Variants in ANKRD50 observed in about 807,000 individuals in gnomAD.
ANKRD50 encodes ankyrin repeat domain 50, also known as ankyrin repeat domain-containing protein 50.
A neutral mutation model predicts 112.0 loss-of-function variants in ANKRD50; 40 were observed. That is an observed-to-expected ratio of 0.36 (90% CI 0.28 to 0.46). The LOEUF is 0.46. Among genes scored for constraint, ANKRD50 ranks in the 20% least tolerant of loss-of-function variants. The pLI is 1.00. For missense variants in ANKRD50, 1,487 were observed against 1,701.7 expected (o/e 0.87, Z 2.22); for synonymous variants, 613 against 619.1 (o/e 0.99, Z 0.15).
At chr4:124,680,971 T>A (rs1352121066) in intron 2 of ANKRD50, among the ~76,000 whole-genome samples, 1 of 152,134 alleles carries the variant, frequency 6.6e-6, no homozygotes, top group Non-Finnish European at 1.5e-5. Context: ...TGGGTATTAT[T>A]ATAAATTGTG....
At position 124,710,357 on chromosome 4, in the gene ANKRD50, G is replaced by C; in HGVS notation, c.155C>G (p.Ser52Ter). The change falls in exon 2 of 5, where the codon TCA becomes TGA. Residue 52 changes from serine (S) to a stop codon, truncating the protein, a stop_gained. Transcript: ENST00000504087. LOFTEE classifies it high-confidence loss of function. ...ATTATTCCCAGAATTCATTACAAGT[G>C]ATGGTGCATTGACAGCACTATTGCA... ...NCCNSAVNAPSLVMNSGNNAS... is the reference protein window; with the variant it reads ...NCCNSAVNAP 1.2e-6 allele frequency: 2 copies of C among 1,614,192 alleles called. No homozygotes were observed. Among genetic ancestry groups the C allele is most frequent in the Non-Finnish European group, 1.7e-6 (2 of 1,180,044 alleles).
chr4:124,706,992 A>G (rs1725520904), intron 2 of ANKRD50, among the ~76,000 whole-genome samples: 1 of 152,048 alleles, frequency 6.6e-6, no homozygotes, highest in Non-Finnish European at 1.5e-5. Context: ...TCACCATCCT[A>G]AAGTCAAAGA....
intron 1 of ANKRD50, among the ~76,000 whole-genome samples, chr4:124,711,804 G>A (rs1431593908): frequency 1.3e-5 from 2 of 151,936 alleles, no homozygotes; most frequent in East Asian, 1.9e-4. Context: ...GTTCTTATAA[G>A]AATGATAAAG....
chr4:124,681,691 T>C (rs1311993242), intron 2 of ANKRD50, among the ~76,000 whole-genome samples: 1 of 152,216 alleles, frequency 6.6e-6, no homozygotes, highest in Non-Finnish European at 1.5e-5. Context: ...CTCCTTTCTT[T>C]TGCCTATTCC....
intron 3 of ANKRD50, among the ~76,000 whole-genome samples, chr4:124,676,847 A>G (rs1239239348): frequency 6.6e-6 from 1 of 151,686 alleles, no homozygotes; most frequent in African/African-American, 2.4e-5. Context: ...TGACTTCCCA[A>G]TAAAAACATA....
At chr4:124,704,534 C>A (rs1381547541) in intron 2 of ANKRD50, among the ~76,000 whole-genome samples, 2 of 152,200 alleles carry the variant, frequency 1.3e-5, no homozygotes, top group African/African-American at 4.8e-5. Context: ...CCAGTCTGGT[C>A]TGCATTTAAA....
In ANKRD50 at chr4:124,671,577, C is replaced by T; in HGVS notation, c.1700G>A (p.Arg567Lys). 1 of 1,613,812 alleles carries T rather than the reference C, an allele frequency of 6.2e-7. No homozygotes were observed. The highest frequency in any genetic ancestry group is 8.5e-7 in the Non-Finnish European group (1 of 1,179,846). ...SLDVVNLLVS[R>K]GADLEIEDAH... ...ATCTTCTATCTCTAAATCTGCTCCC[C>T]TAGAGACAAGTAAATTGACTACATC... The change falls in exon 4 of 5, where the codon AGG (arginine) becomes AAG (lysine). Residue 567 changes from arginine (R) to lysine (K), a missense_variant. Coordinates refer to ENST00000504087, the MANE Select transcript of ANKRD50 (RefSeq NM_020337.3).
intron 3 of ANKRD50, among the ~76,000 whole-genome samples, chr4:124,677,032 C>T (rs1198562750): frequency 2.0e-5 from 3 of 151,562 alleles, no homozygotes; most frequent in Non-Finnish European, 4.4e-5. Context: ...TAAAAAGAAA[C>T]CACCCAACAC....
At chr4:124,698,007 A>C (rs568980586) in intron 2 of ANKRD50, among the ~76,000 whole-genome samples, 3 of 152,218 alleles carry the variant, frequency 2.0e-5, no homozygotes, top group African/African-American at 7.2e-5. Flanking sequence ...TAGTAAATAT[A>C]GACAGAATTT....
intron 2 of ANKRD50, among the ~76,000 whole-genome samples, chr4:124,693,131 A>C (rs941459925): frequency 3.2e-4 from 49 of 152,284 alleles, no homozygotes; most frequent in African/African-American, 1.2e-3. Flanking sequence ...ATAAGATAAG[A>C]GCATGAGGTC....
At chr4:124,702,118 C>T (rs570114978) in intron 2 of ANKRD50, among the ~76,000 whole-genome samples, 3 of 151,770 alleles carry the variant, frequency 2.0e-5, no homozygotes, top group Non-Finnish European at 2.9e-5. Flanking sequence ...GAGCATAATG[C>T]GCTCTGTGAG....
intron 2 of ANKRD50, among the ~76,000 whole-genome samples, chr4:124,697,822 C>T (rs1725286500): frequency 6.6e-6 from 1 of 152,034 alleles, no homozygotes; most frequent in Admixed American, 6.6e-5. Context: ...GAAAGTGTTG[C>T]TAGAAGTGGG....
intron 2 of ANKRD50, among the ~76,000 whole-genome samples, chr4:124,690,340 T>C (rs1474847629): frequency 6.6e-6 from 1 of 152,214 alleles, no homozygotes; most frequent in African/African-American, 2.4e-5. Context: ...ATTACCTCAT[T>C]TCCTATACTC....
intron 2 of ANKRD50, among the ~76,000 whole-genome samples, chr4:124,688,831 A>C (rs1349521129): frequency 1.3e-5 from 2 of 152,158 alleles, no homozygotes; most frequent in Admixed American, 6.5e-5. Context: ...CGCCTTATCA[A>C]TTTCTCTAAC....
At chr4:124,683,096 T>C (rs1249199422) in intron 2 of ANKRD50, among the ~76,000 whole-genome samples, 1 of 151,848 alleles carries the variant, frequency 6.6e-6, no homozygotes, top group African/African-American at 2.4e-5. Flanking sequence ...AATGTATATA[T>C]ATACCCATAT....
intron 2 of ANKRD50, among the ~76,000 whole-genome samples, chr4:124,681,558 T>G (rs1338745603): frequency 1.3e-5 from 2 of 152,188 alleles, no homozygotes; most frequent in African/African-American, 4.8e-5. Flanking sequence ...GCCACTATGG[T>G]CCACTGACTA....
Position 124,672,168 on chromosome 4 carries a change from T to C in ANKRD50, c.1109A>G (p.Tyr370Cys). Reference protein sequence around the residue: ...ACRPLTITELYHAVWTKNMSL... With the variant: ...ACRPLTITELCHAVWTKNMSL... ...CATGTTTTTGGTCCATACTGCGTGA[T>C]ATAATTCCGTTATGGTCAAAGGTCG... The change falls in exon 4 of 5, where the codon TAT becomes TGT. Residue 370 changes from tyrosine to cysteine, a missense_variant. Physicochemically the swap from Tyr to Cys is radical, Grantham distance 194. Around this residue, in one of 2 missense-constraint regions of ANKRD50, gnomAD observed 1,046 missense variants for 1,269.5 expected, o/e 0.82. Transcript: ENST00000504087. 2 of 1,613,904 alleles carry C rather than the reference T, an allele frequency of 1.2e-6. No individual in the cohort carries two copies. Among genetic ancestry groups the C allele is most frequent in the South Asian group, 1.1e-5 (1 of 91,084 alleles).
In ANKRD50 at chr4:124,670,074, C is replaced by G. The variant is rs1560817546; in HGVS notation, c.3203G>C (p.Gly1068Ala). The G allele has an allele frequency of 1.9e-6, 3 of 1,613,352 alleles. No homozygotes were observed. Among genetic ancestry groups the G allele is most frequent in the Non-Finnish European group, 2.5e-6 (3 of 1,179,738 alleles). ...IDVVQVLLEH[G>A]ADPNHADQFG... is the part of the protein sequence containing the mutation. ...TTGATCAGCATGGTTTGGATCAGCA[C>G]CATGCTCTAATAAGACCTGAACAAC... Residue 1068 changes from glycine to alanine, a missense_variant, in exon 4 of 5, where the codon GGT (glycine) becomes GCT (alanine). By Grantham distance (60) the Gly-to-Ala change is moderately conservative (BLOSUM62 0). Around this residue, in one of 2 missense-constraint regions of ANKRD50, gnomAD observed 441 missense variants for 432.2 expected, o/e 1.02. Coordinates refer to ENST00000504087, the MANE Select transcript of ANKRD50 (RefSeq NM_020337.3).
chr4:124,684,692 T>C (rs1432422460), intron 2 of ANKRD50, among the ~76,000 whole-genome samples: 1 of 152,200 alleles, frequency 6.6e-6, no homozygotes, highest in Non-Finnish European at 1.5e-5. Context: ...TCACATTAGA[T>C]TGAGGTTTGG....
Sources: allele counts gnomAD v4.1 joint callset (sites outside exome capture counted in the v4.1 genomes callset), GRCh38; gene constraint gnomAD v4.1.1; regional missense constraint gnomAD v4.1.1; transcripts MANE v1.5; gene names NCBI Gene and HGNC (gene_info 2026-07-23, HGNC 2026-07-21).